STX6: variants seen among roughly 807,000 people sequenced by gnomAD.
STX6 encodes syntaxin-6.
Under a neutral mutation model 38.0 loss-of-function variants are expected in STX6, and 23 were observed. The observed-to-expected ratio is 0.60, with a 90% CI of 0.43 to 0.86. The LOEUF is 0.86. Ranked by LOEUF, STX6 falls within the 40% of genes least tolerant of loss-of-function variation. The probability of loss-of-function intolerance (pLI) is 0.00; values close to 1 mark genes in which losing one functional copy is unlikely to be tolerated. For missense variants in STX6, 274 were observed against 312.9 expected, an observed-to-expected ratio of 0.88 and a Z score of 0.94; for synonymous variants, 123 against 107.5, an observed-to-expected ratio of 1.14 and a Z score of -0.89.
intron 3 of STX6, among the ~76,000 whole-genome samples, chr1:180,998,031 T>C (rs1655963096): frequency 6.6e-6 from 1 of 152,224 alleles, no homozygotes; most frequent in Admixed American, 6.5e-5. Flanking sequence ...CATAACAGTA[T>C]GATCACAACT....
chr1:181,021,229 C>T (rs572961344), intron 1 of STX6, among the ~76,000 whole-genome samples: 4 of 152,266 alleles, frequency 2.6e-5, no homozygotes, highest in South Asian at 2.1e-4. Flanking sequence ...CCTTTGCCAA[C>T]CTAAGCATTA....
intron 1 of STX6, among the ~76,000 whole-genome samples, chr1:181,006,445 A>T (rs575647862): frequency 1.3e-5 from 2 of 150,834 alleles, no homozygotes; most frequent in East Asian, 3.9e-4. Context: ...AGATATAGTC[A>T]CAAGATTTTA....
chr1:181,005,738 C>G (rs776368118), intron 1 of STX6, among the ~76,000 whole-genome samples: 1 of 152,192 alleles, frequency 6.6e-6, no homozygotes, highest in Non-Finnish European at 1.5e-5. Flanking sequence ...TTTCTCTGAA[C>G]AGACTATACG....
chr1:181,006,069 T>C (rs1376572007), intron 1 of STX6, among the ~76,000 whole-genome samples: 1 of 152,182 alleles, frequency 6.6e-6, no homozygotes, highest in Non-Finnish European at 1.5e-5. Context: ...TGTTTGTTTT[T>C]GTTTTGTTTT....
rs559892257 is a variant in STX6, at chr1:181,017,187, C to T, written c.35+5452G>A. On this transcript the variant is annotated intron_variant, in intron 1 of 7. Coordinates refer to ENST00000258301, the MANE Select transcript of STX6 (RefSeq NM_005819.6). Reference sequence around the variant, plus strand: ...GGATCACGAGGTCAGGAGATCGAGACCATCCTGGCTAACACAGTGAAACCC... The same window carrying T: ...GGATCACGAGGTCAGGAGATCGAGATCATCCTGGCTAACACAGTGAAACCC... 7.2e-5 allele frequency among the ~76,000 whole-genome samples: 11 copies of T among 151,988 alleles called. No homozygotes were observed. The South Asian group carries it at 2.1e-3, about 29-fold the overall frequency.
chr1:180,992,666 C>T (rs961865964), intron 4 of STX6, among the ~76,000 whole-genome samples: 1 of 152,184 alleles, frequency 6.6e-6, no homozygotes. Context: ...AAGTCTAAAT[C>T]AAATCTCAAT....
intron 1 of STX6, among the ~76,000 whole-genome samples, chr1:181,008,603 C>T (rs1226320847): frequency 6.6e-6 from 1 of 152,060 alleles, no homozygotes; most frequent in Admixed American, 6.6e-5. Flanking sequence ...CCTCCAAATG[C>T]CAGCTCATTT....
intron 2 of STX6, among the ~76,000 whole-genome samples, chr1:181,004,224 T>C (rs1656162730): frequency 6.6e-6 from 1 of 152,214 alleles, no homozygotes; most frequent in Non-Finnish European, 1.5e-5. Context: ...GATACTGTAA[T>C]AAATGCAAAT....
intron 7 of STX6, 80 bp downstream of exon 7, chr1:180,984,597 G>T: frequency 1.7e-6 from 1 of 572,484 alleles, no homozygotes; most frequent in Non-Finnish European, 3.2e-6. Flanking sequence ...GATCTGGATG[G>T]GCATAACTAT....
At chr1:181,022,530 T>A in intron 1 of STX6, 109 bp downstream of exon 1, 1 of 1,135,016 alleles carries the variant, frequency 8.8e-7, no homozygotes, top group Non-Finnish European at 1.3e-6. Flanking sequence ...CTGTTCCCCC[T>A]CCCCAGCTCC....
intron 3 of STX6, among the ~76,000 whole-genome samples, chr1:180,998,945 T>G (rs1655994331): frequency 1.3e-5 from 2 of 152,244 alleles, no homozygotes; most frequent in Admixed American, 6.5e-5. Flanking sequence ...TTTATGCTTC[T>G]GTTCCCATTT....
At chr1:181,019,549 A>G (rs1177930177) in intron 1 of STX6, among the ~76,000 whole-genome samples, 1 of 152,190 alleles carries the variant, frequency 6.6e-6, no homozygotes, top group East Asian at 1.9e-4. Flanking sequence ...AGCATCCAGT[A>G]CAGCAATCAC....
Position 180,972,817 on chromosome 1 carries a change from C to T in STX6, c.*3753G>A, listed in dbSNP as rs926187032. 4 of 270,586 alleles carry T rather than the reference C, an allele frequency of 1.5e-5. No homozygotes were observed. Among genetic ancestry groups the T allele is most frequent in the Non-Finnish European group, 3.0e-5 (4 of 133,676 alleles). The allele number at this position is 270,586 out of a possible 1,614,324, so 16.8% of individuals were successfully genotyped here. A position where few individuals can be genotyped will look rare whatever the true frequency, so the allele number is the denominator to read the frequency against. ...TATCTCTAAGCTGAGTTACTCTGAT[C>T]GGAGCTACTGAAAGGTACCTGCTTT... On this transcript the variant is annotated 3_prime_UTR_variant, in exon 8 of 8. Coordinates refer to ENST00000258301, the MANE Select transcript of STX6 (RefSeq NM_005819.6).
intron 3 of STX6, among the ~76,000 whole-genome samples, chr1:180,996,710 C>T (rs960083657): frequency 6.6e-6 from 1 of 152,044 alleles, no homozygotes; most frequent in African/African-American, 2.4e-5. Context: ...GTAGCTGGGA[C>T]TACAGGCACG....
At chr1:181,014,492 T>C (rs1656500549) in intron 1 of STX6, among the ~76,000 whole-genome samples, 1 of 152,224 alleles carries the variant, frequency 6.6e-6, no homozygotes, top group African/African-American at 2.4e-5. Flanking sequence ...CACAACTCTT[T>C]TATCTGGGAC....
chr1:181,010,025 A>G (rs1036027183), intron 1 of STX6, among the ~76,000 whole-genome samples: 5 of 152,230 alleles, frequency 3.3e-5, no homozygotes, highest in African/African-American at 1.2e-4. Context: ...GGAAAAGGCA[A>G]AATTATAAGA....
intron 5 of STX6, chr1:180,988,599 T>C: frequency 2.7e-6 from 1 of 375,558 alleles, no homozygotes; most frequent in Non-Finnish European, 5.0e-6. Flanking sequence ...AAGAGAGATT[T>C]ACTCTGGTTG....
chr1:181,021,167 A>G (rs1160872672), intron 1 of STX6, among the ~76,000 whole-genome samples: 1 of 152,194 alleles, frequency 6.6e-6, no homozygotes, highest in Admixed American at 6.5e-5. Flanking sequence ...AATTCCATAA[A>G]AAGTCAAACA....
chr1:181,022,231 A>G (rs1656752377), intron 1 of STX6, among the ~76,000 whole-genome samples: 1 of 152,128 alleles, frequency 6.6e-6, no homozygotes. Context: ...TACAAAGCTC[A>G]GGAGGGCCAT....
Sources: allele counts gnomAD v4.1 joint callset (sites outside exome capture counted in the v4.1 genomes callset), GRCh38; gene constraint gnomAD v4.1.1; transcripts MANE v1.5; gene names NCBI Gene and HGNC (gene_info 2026-07-23, HGNC 2026-07-21).